Variants in LEPR observed in about 807,000 individuals in gnomAD.
LEPR encodes OB receptor.
Under a neutral mutation model 114.7 loss-of-function variants are expected in LEPR, and 56 were observed. The observed-to-expected ratio is 0.49, with a 90% CI of 0.39 to 0.61. LEPR has a LOEUF of 0.61. Among genes scored for constraint, LEPR ranks in the 20% least tolerant of loss-of-function variants. The pLI, the probability that LEPR is intolerant of heterozygous loss-of-function variation, is 0.00. For synonymous variants in LEPR, 443 were observed against 461.4 expected (o/e 0.96, Z 0.51); for missense variants, 1,202 against 1,352.9 (o/e 0.89, Z 1.75).
At chr1:65,428,400 C>G (rs1204141868) in intron 2 of LEPR, among the ~76,000 whole-genome samples, 1 of 152,150 alleles carries the variant, frequency 6.6e-6, no homozygotes, top group African/African-American at 2.4e-5. Flanking sequence ...CTCTGTGTCT[C>G]CTTTCTCACT....
intron 1 of LEPR, among the ~76,000 whole-genome samples, chr1:65,422,544 G>A (rs1646271533): frequency 6.6e-6 from 1 of 152,234 alleles, no homozygotes; most frequent in African/African-American, 2.4e-5. Context: ...ATGCAGGTGG[G>A]ATTGATTCCC....
chr1:65,513,286 T>G (rs1290812088), intron 2 of LEPR, among the ~76,000 whole-genome samples: 1 of 152,288 alleles, frequency 6.6e-6, no homozygotes, highest in African/African-American at 2.4e-5. Context: ...GAATAAATAC[T>G]TTGATCAGAG....
At chr1:65,462,933 C>T (rs1646964300) in intron 2 of LEPR, among the ~76,000 whole-genome samples, 1 of 152,060 alleles carries the variant, frequency 6.6e-6, no homozygotes, top group Non-Finnish European at 1.5e-5. Context: ...GATTTTCTCC[C>T]ATTCTATATG....
chr1:65,619,689 A>T (rs557272296), intron 16 of LEPR, among the ~76,000 whole-genome samples: 1 of 152,310 alleles, frequency 6.6e-6, no homozygotes, highest in Admixed American at 6.5e-5. Context: ...GAAAAATTGC[A>T]ATCTTCTGTC....
In LEPR at chr1:65,601,892, G is replaced by T; in HGVS notation, c.1335G>T (p.Met445Ile). ...SCETDGYLTK[M>I]TCRWSTSTIQ... ...AAACTGATGGGTACTTAACTAAAAT[G>T]ACTTGCAGATGGTCAACCAGTACAA... The change falls in exon 10 of 20, where the codon ATG becomes ATT. Residue 445 changes from methionine (M) to isoleucine (I), a missense_variant. By Grantham distance (10) the Met-to-Ile change is conservative (BLOSUM62 1). Transcript: ENST00000349533. 6.2e-7 allele frequency: 1 copy of T among 1,613,638 alleles called. No homozygotes were observed. The highest frequency in any genetic ancestry group is 1.1e-5 in the South Asian group (1 of 91,040).
At chr1:65,513,094 C>G (rs1649109250) in intron 2 of LEPR, among the ~76,000 whole-genome samples, 1 of 152,142 alleles carries the variant, frequency 6.6e-6, no homozygotes, top group Non-Finnish European at 1.5e-5. Context: ...TCTTGACTGG[C>G]CTTTTTCTAG....
intron 2 of LEPR, among the ~76,000 whole-genome samples, chr1:65,510,717 C>A (rs933275028): frequency 2.6e-5 from 4 of 152,030 alleles, no homozygotes; most frequent in African/African-American, 9.7e-5. Flanking sequence ...AGCTATCCCA[C>A]GTTAGCGGGA....
intron 2 of LEPR, among the ~76,000 whole-genome samples, chr1:65,426,059 T>C (rs1331891179): frequency 7.1e-6 from 1 of 140,430 alleles, no homozygotes; most frequent in Non-Finnish European, 1.5e-5. Context: ...CTGTCAGAGG[T>C]AGAAATGGTA....
chr1:65,464,392 A>G (rs976041732), intron 2 of LEPR, among the ~76,000 whole-genome samples: 9 of 152,124 alleles, frequency 5.9e-5, no homozygotes, highest in Non-Finnish European at 1.0e-4. Flanking sequence ...ATTGTGGTGG[A>G]TAAGCTTTTT....
intron 2 of LEPR, among the ~76,000 whole-genome samples, chr1:65,456,804 A>G (rs1646882565): frequency 6.6e-6 from 1 of 152,110 alleles, no homozygotes; most frequent in East Asian, 1.9e-4. Context: ...TGACATGCAA[A>G]GTGATTATTG....
intron 8 of LEPR, 85 bp from the exon 9 acceptor site, chr1:65,601,307 T>A (rs1656424160): frequency 1.3e-5 from 19 of 1,488,502 alleles, no homozygotes; most frequent in Non-Finnish European, 1.7e-5. Flanking sequence ...AACTCTGGAA[T>A]GTGTTGTGAA....
chr1:65,455,858 A>G (rs1028019386), intron 2 of LEPR, among the ~76,000 whole-genome samples: 55 of 152,260 alleles, frequency 3.6e-4, no homozygotes, highest in African/African-American at 1.3e-3. Flanking sequence ...AGCCTGGACA[A>G]TGGTGGGCGC....
chr1:65,430,995 A>G (rs1201686324), intron 2 of LEPR, among the ~76,000 whole-genome samples: 2 of 152,194 alleles, frequency 1.3e-5, no homozygotes, highest in African/African-American at 4.8e-5. Context: ...AGAAGAATCC[A>G]GTGTGGTAGA....
At chr1:65,497,744 G>A (rs905857612) in intron 2 of LEPR, among the ~76,000 whole-genome samples, 1 of 152,060 alleles carries the variant, frequency 6.6e-6, no homozygotes, top group Admixed American at 6.6e-5. Flanking sequence ...TCTTCTCTCA[G>A]GCACAGCTCT....
In LEPR at chr1:65,420,769, G is replaced by T. The variant is rs113211950; in HGVS notation, c.-97+29G>T. ...CATCGCGGTCCCCGGCTCGCTTGTC[G>T]TGTGGTGGGGTTGCCACCTCCGTTC... On this transcript the variant is annotated intron_variant, in intron 1 of 19. Coordinates refer to ENST00000349533, the MANE Select transcript of LEPR (RefSeq NM_002303.6). 1.8e-5 allele frequency: 29 copies of T among 1,571,004 alleles called. No homozygotes were observed. In the African/African-American group the frequency reaches 2.7e-4, roughly 15 times the overall value.
At chr1:65,505,268 T>C (rs542290411) in intron 2 of LEPR, among the ~76,000 whole-genome samples, 4 of 152,270 alleles carry the variant, frequency 2.6e-5, no homozygotes, top group Admixed American at 6.5e-5. Context: ...AACTGACAAA[T>C]GTATCAAGCA....
intron 2 of LEPR, among the ~76,000 whole-genome samples, chr1:65,512,406 A>T (rs535033032): frequency 1.3e-5 from 2 of 152,190 alleles, no homozygotes; most frequent in Non-Finnish European, 2.9e-5. Context: ...AGGTCCTCAG[A>T]TCTGAAGCAG....
chr1:65,451,315 C>T (rs907229653), intron 2 of LEPR, among the ~76,000 whole-genome samples: 1 of 152,082 alleles, frequency 6.6e-6, no homozygotes, highest in South Asian at 2.1e-4. Flanking sequence ...GCTTTTGTTG[C>T]CATTGCTCTT....
At chr1:65,449,518 G>T (rs1395619179) in intron 2 of LEPR, among the ~76,000 whole-genome samples, 1 of 151,962 alleles carries the variant, frequency 6.6e-6, no homozygotes, top group Non-Finnish European at 1.5e-5. Flanking sequence ...CAGAGGACTC[G>T]AACACCAGCC....
Sources: allele counts gnomAD v4.1 joint callset (sites outside exome capture counted in the v4.1 genomes callset), GRCh38; gene constraint gnomAD v4.1.1; transcripts MANE v1.5; gene names NCBI Gene and HGNC (gene_info 2026-07-23, HGNC 2026-07-21).